ESR2: variants seen among roughly 807,000 people sequenced by gnomAD.
The protein encoded by ESR2 is estrogen receptor 2.
Under a neutral mutation model 49.6 loss-of-function variants are expected in ESR2, and 36 were observed. That is an observed-to-expected ratio of 0.73 (90% CI 0.56 to 0.96). ESR2 has a LOEUF of 0.96. Ranked by LOEUF, ESR2 falls within the 40% of genes least tolerant of loss-of-function variation. The pLI is 0.00. For missense variants in ESR2, 714 were observed against 693.0 expected, an observed-to-expected ratio of 1.03 and a Z score of -0.34; for synonymous variants, 320 against 266.1, an observed-to-expected ratio of 1.20 and a Z score of -1.97.
chr14:64,304,411 G>A (rs2077064256), intron 1 of ESR2, among the ~76,000 whole-genome samples: 1 of 152,144 alleles, frequency 6.6e-6, no homozygotes, highest in Admixed American at 6.6e-5. Flanking sequence ...ATCTGTGGGG[G>A]TCTTTGGTGC....
At chr14:64,252,043 A>G (rs905624991) in intron 6 of ESR2, among the ~76,000 whole-genome samples, 18 of 152,196 alleles carry the variant, frequency 1.2e-4, no homozygotes, top group African/African-American at 4.1e-4. Context: ...TGGCTGGGTA[A>G]AGTGGCCCAT....
chr14:64,251,075 CAA>C (rs2075977403), intron 6 of ESR2, among the ~76,000 whole-genome samples: 3 of 152,128 alleles, frequency 2.0e-5, no homozygotes, highest in South Asian at 2.1e-4. Context: ...GAGCACTGGG[CAA>C]AGAGTGCCAA....
chr14:64,320,400 CA>C (rs942640407), intron 1 of ESR2, among the ~76,000 whole-genome samples: 28 of 141,342 alleles, frequency 2.0e-4, no homozygotes, highest in Admixed American at 2.1e-4. Context: ...ACATCCATCT[CA>C]AAAAAAAAAA....
At chr14:64,233,402 G>A (rs1399150344) in intron 8 of ESR2, 79 bp from the exon 9 acceptor site, 2 of 1,421,380 alleles carry the variant, frequency 1.4e-6, no homozygotes, top group Non-Finnish European at 1.9e-6. Context: ...GGCTCTCTTT[G>A]CTCAGAGCCA....
rs376035820 is a variant in ESR2, at chr14:64,303,839, TA to T, written c.-90-20765del. Among the ~76,000 whole-genome samples, 40 of 152,086 alleles carry T rather than the reference TA, an allele frequency of 2.6e-4. No individual in the cohort carries two copies. The East Asian group carries it at 5.8e-3, about 22-fold the overall frequency. On this transcript the variant is annotated intron_variant, in intron 1 of 8. Transcript: ENST00000358599. ...TGTGCCAGATATTGAGGTATAAAGA[TA>T]AAAAAATGAGAAAAGTCACTATATA...
chr14:64,320,475 T>C (rs2077312356), intron 1 of ESR2, among the ~76,000 whole-genome samples: 1 of 152,180 alleles, frequency 6.6e-6, no homozygotes, highest in Non-Finnish European at 1.5e-5. Context: ...AGGACATTTT[T>C]AGGGCAGTGA....
At chr14:64,305,481 T>TA (rs1567792570) in intron 1 of ESR2, among the ~76,000 whole-genome samples, 2 of 150,660 alleles carry the variant, frequency 1.3e-5, no homozygotes, top group South Asian at 4.2e-4. Flanking sequence ...CCATCCTGGC[T>TA]AACACAGTGA....
chr14:64,283,974 G>A (rs1422148374), intron 1 of ESR2, among the ~76,000 whole-genome samples: 1 of 151,914 alleles, frequency 6.6e-6, no homozygotes, highest in Non-Finnish European at 1.5e-5. Context: ...CACCCAGGCT[G>A]GAGTGCAGTG....
At chr14:64,241,305 T>A (rs1417854293) in intron 7 of ESR2, among the ~76,000 whole-genome samples, 1 of 152,242 alleles carries the variant, frequency 6.6e-6, no homozygotes, top group East Asian at 1.9e-4. Flanking sequence ...TGTAGTTGTA[T>A]AGATTATTTC....
chr14:64,257,995 T>C (rs927354075), intron 5 of ESR2, among the ~76,000 whole-genome samples: 4 of 152,066 alleles, frequency 2.6e-5, no homozygotes, highest in Non-Finnish European at 4.4e-5. Flanking sequence ...GGTGGGTGGA[T>C]TGCCTGCACC....
Position 64,257,351 on chromosome 14 carries a change from G to A in ESR2, c.966C>T (p.Leu322=), listed in dbSNP as rs1338751185. Residue 322 remains leucine, a synonymous_variant, in exon 6 of 9, where the codon CTC becomes CTT. Transcript: ENST00000341099. ...AGAGCCGCACTTGGTCGAACAGGCT[G>A]AGCTCCACAAAGCCTGGGGAAAGCA... ...WAKKIPGFVE[L]SLFDQVRLLE... The A allele has an allele frequency of 1.2e-6, 2 of 1,612,848 alleles. No individual in the cohort carries two copies. The highest frequency in any genetic ancestry group is 1.7e-5 in the Admixed American group (1 of 60,016).
chr14:64,320,494 T>C (rs1323460983), intron 1 of ESR2, among the ~76,000 whole-genome samples: 1 of 152,200 alleles, frequency 6.6e-6, no homozygotes, highest in Non-Finnish European at 1.5e-5. Context: ...GAAACCATTC[T>C]GTATGATGAT....
At chr14:64,235,220 C>A in intron 7 of ESR2, 70 bp from the exon 8 acceptor site, 5 of 1,523,962 alleles carry the variant, frequency 3.3e-6, no homozygotes, top group Non-Finnish European at 8.9e-7. Context: ...CTCAGCTGTT[C>A]CGTGCGCCTG....
At chr14:64,309,984 G>C (rs1298331641) in intron 1 of ESR2, among the ~76,000 whole-genome samples, 2 of 152,160 alleles carry the variant, frequency 1.3e-5, no homozygotes, top group Non-Finnish European at 2.9e-5. Context: ...TACTCGGGAG[G>C]CTGAGACAGG....
At chr14:64,227,251 A>G, downstream of ESR2, 1 of 451,106 alleles carries the variant, frequency 2.2e-6, no homozygotes, top group African/African-American at 2.0e-5. Context: ...ATGAAGCCTC[A>G]GCTTTCTACA....
chr14:64,252,659 C>G (rs927014039), intron 6 of ESR2, among the ~76,000 whole-genome samples: 2 of 152,260 alleles, frequency 1.3e-5, no homozygotes, highest in African/African-American at 4.8e-5. Context: ...CTGAGCAAGA[C>G]AGCCGGGAGC....
chr14:64,328,457 G>C (rs2077416136), intron 1 of ESR2, among the ~76,000 whole-genome samples: 1 of 152,056 alleles, frequency 6.6e-6, no homozygotes, highest in East Asian at 1.9e-4. Flanking sequence ...CAGCTGTTCA[G>C]TAATTCCAAT....
At chr14:64,317,833 A>G (rs1364943819) in intron 1 of ESR2, among the ~76,000 whole-genome samples, 4 of 152,214 alleles carry the variant, frequency 2.6e-5, no homozygotes, top group Non-Finnish European at 5.9e-5. Flanking sequence ...TCAGAAAAAC[A>G]GGAATACAGG....
rs117026228 is a variant in ESR2 at position 64,280,559 on chromosome 14, G to A, written c.363-406C>T. Reference sequence around the variant, plus strand: ...GTCTTCTGTAGTTACTAGAGTTCACGAATGCTGCATGGATGGGTGTGAAGG... The same window carrying A: ...GTCTTCTGTAGTTACTAGAGTTCACAAATGCTGCATGGATGGGTGTGAAGG... On this transcript the variant is annotated intron_variant, in intron 2 of 8. Coordinates refer to ENST00000341099, the MANE Select transcript of ESR2 (RefSeq NM_001437.3). Among the ~76,000 whole-genome samples the A allele has an allele frequency of 5.3e-4, 80 of 152,284 alleles. 1 individual carries two copies. In the East Asian group the frequency reaches 0.013, roughly 24 times the overall value.
Sources: allele counts gnomAD v4.1 joint callset (sites outside exome capture counted in the v4.1 genomes callset), GRCh38; gene constraint gnomAD v4.1.1; transcripts MANE v1.5; gene names NCBI Gene and HGNC (gene_info 2026-07-23, HGNC 2026-07-21).